Variants in RELT observed in about 807,000 individuals in gnomAD.
The protein encoded by RELT is RELT TNF receptor, also known as tumor necrosis factor receptor superfamily member 19L.
RELT carries 37 observed loss-of-function variants against 51.1 expected under a neutral mutation model. The observed-to-expected ratio is 0.72, with a 90% CI of 0.56 to 0.95. RELT has a LOEUF of 0.95. Ranked by LOEUF, RELT falls within the 40% of genes least tolerant of loss-of-function variation. The pLI is 0.00. For synonymous variants in RELT, 241 were observed against 235.7 expected (o/e 1.02, Z -0.21); for missense variants, 535 against 572.6 (o/e 0.93, Z 0.67).
Position 73,394,053 on chromosome 11 carries a change from T to C in RELT, c.706+136T>C, listed in dbSNP as rs763469667. On this transcript the variant is annotated intron_variant, in intron 7 of 10. Transcript: ENST00000064780. The surrounding 1 kb of genome is among the most constrained non-coding windows in gnomAD (Gnocchi z 4.9). ...CAGGGTGCCTCAAGCAGCCTGGTGC[T>C]CTCTGACCCAGGAGTGCACACCTCT... 3.3e-4 allele frequency: 325 copies of C among 998,822 alleles called. 1 individual carries two copies. The highest frequency in any genetic ancestry group is 6.4e-5 in the Non-Finnish European group (41 of 645,014). The allele number at this position is 998,822 out of a possible 1,614,324, so 61.9% of individuals were successfully genotyped here. A position where few individuals can be genotyped will look rare whatever the true frequency, so the allele number is the denominator to read the frequency against.
In RELT at chr11:73,376,415, G is replaced by A. The variant is rs1010126993; in HGVS notation, c.-110G>A. On this transcript the variant is annotated 5_prime_UTR_variant, in exon 1 of 11. Coordinates refer to ENST00000064780, the MANE Select transcript of RELT (RefSeq NM_152222.2). ...GATTCATTCAAAAGGCGCGCAGGCTGCGCGGCTGTCCGGGCGCTCGCCGAG... is the reference window on the plus strand; with the variant it reads ...GATTCATTCAAAAGGCGCGCAGGCTACGCGGCTGTCCGGGCGCTCGCCGAG... 31 of 151,964 alleles carry A rather than the reference G, an allele frequency of 2.0e-4. No homozygotes were observed. Among genetic ancestry groups the A allele is most frequent in the African/African-American group, 7.5e-4 (31 of 41,406 alleles). 9.4% of individuals were successfully genotyped at this position (151,964 alleles called of 1,614,324 possible).
At chr11:73,387,134 G>A (rs1285926737) in intron 1 of RELT, among the ~76,000 whole-genome samples, 8 of 152,038 alleles carry the variant, frequency 5.3e-5, no homozygotes, top group Admixed American at 3.3e-4. Flanking sequence ...TACTAGAGAC[G>A]GGGTTTCAGC....
intron 6 of RELT, 186 bp from the exon 7 acceptor site, chr11:73,393,651 G>T: frequency 6.4e-7 from 1 of 1,558,218 alleles, no homozygotes; most frequent in South Asian, 1.2e-5. Flanking sequence ...GTTGAATCAT[G>T]AAGGTGATAT....
At chr11:73,387,431 G>A (rs1185216222) in intron 1 of RELT, among the ~76,000 whole-genome samples, 1 of 152,248 alleles carries the variant, frequency 6.6e-6, no homozygotes, top group Admixed American at 6.5e-5. Context: ...GACACTTTGG[G>A]GCAGAAACTG....
intron 2 of RELT, among the ~76,000 whole-genome samples, chr11:73,390,075 C>G (rs1866185969): frequency 6.6e-6 from 1 of 152,154 alleles, no homozygotes; most frequent in Non-Finnish European, 1.5e-5. Flanking sequence ...GTCCTGGAGA[C>G]TTTCGCTGAA....
chr11:73,387,246 C>G (rs991304355), intron 1 of RELT, among the ~76,000 whole-genome samples: 1 of 152,142 alleles, frequency 6.6e-6, no homozygotes, highest in Non-Finnish European at 1.5e-5. Context: ...CCTGCCACAG[C>G]CTGCCCCCAC....
intron 1 of RELT, among the ~76,000 whole-genome samples, chr11:73,383,177 C>G (rs967187741): frequency 6.6e-6 from 1 of 152,196 alleles, no homozygotes; most frequent in African/African-American, 2.4e-5. Context: ...GACCTGGGAG[C>G]TCATGGCTGC....
rs755587108 is a variant in RELT at position 73,390,939 on chromosome 11, C to G, written c.287+18C>G. On this transcript the variant is annotated intron_variant, in intron 4 of 10. Transcript: ENST00000064780. ...TGGCCTGGGTAAGCCAAAGGGAGTG[C>G]GGGGAGGGCTCCTGGCTGGGTGACC... 6.2e-7 allele frequency: 1 copy of G among 1,607,118 alleles called. No homozygotes were observed. Among genetic ancestry groups the G allele is most frequent in the Non-Finnish European group, 8.5e-7 (1 of 1,178,202 alleles).
chr11:73,392,682 T>C (rs1363159052), intron 6 of RELT: 1 of 1,428,770 alleles, frequency 7.0e-7, no homozygotes, highest in African/African-American at 1.4e-5. Context: ...GCTGGTCAAG[T>C]GGCTTCAGTG....
chr11:73,395,463 G>A lies in RELT; in HGVS notation c.1265G>A (p.Arg422Gln), dbSNP rs762816338. The change falls in exon 11 of 11, where the codon CGG becomes CAG. Residue 422 changes from arginine to glutamine, a missense_variant. Transcript: ENST00000064780. Reference sequence around the variant, plus strand: ...CACCAGGAGAACCGCTATGTGGTCCGGCTAAGTGAGAGCAACCTGGTCATC... The same window carrying A: ...CACCAGGAGAACCGCTATGTGGTCCAGCTAAGTGAGAGCAACCTGGTCATC... ...NKAEENRYVV[R>Q]LSESNLVI 34 of 819,764 alleles carry A rather than the reference G, an allele frequency of 4.1e-5. No individual in the cohort carries two copies. Among genetic ancestry groups the A allele is most frequent in the Non-Finnish European group, 6.6e-5 (30 of 453,806 alleles). 50.8% of individuals were successfully genotyped at this position (819,764 alleles called of 1,614,324 possible).
In RELT at chr11:73,390,514, C is replaced by T. The variant is rs1317044315; in HGVS notation, c.46-37C>T. On this transcript the variant is annotated intron_variant, in intron 2 of 10. Coordinates refer to ENST00000064780, the MANE Select transcript of RELT (RefSeq NM_152222.2). Reference sequence around the variant, plus strand: ...ATGACCCCAGAGACCCCACACCCAGCACTTTCTGCCTCTTTCAATGCCTAC... The same window carrying T: ...ATGACCCCAGAGACCCCACACCCAGTACTTTCTGCCTCTTTCAATGCCTAC... 3.8e-6 allele frequency: 6 copies of T among 1,590,964 alleles called. No individual in the cohort carries two copies. The Admixed American group carries it at 1.0e-4, about 27-fold the overall frequency.
chr11:73,395,943 G>A lies in RELT; in HGVS notation c.*452G>A, dbSNP rs1360063157. 1.7e-5 allele frequency: 3 copies of A among 179,536 alleles called. No individual in the cohort carries two copies. The highest frequency in any genetic ancestry group is 4.7e-5 in the African/African-American group (2 of 42,262). 11.1% of individuals were successfully genotyped at this position (179,536 alleles called of 1,614,324 possible). A position where few individuals can be genotyped will look rare whatever the true frequency, so the allele number is the denominator to read the frequency against. ...CCTCCTCTTCCAGCAGGTCTATAAA[G>A]GGAAGGGGTAGCAGAAAGTCCTGGG... is the stretch of plus-strand genomic sequence containing the variant. On this transcript the variant is annotated 3_prime_UTR_variant, in exon 11 of 11. Coordinates refer to ENST00000064780, the MANE Select transcript of RELT (RefSeq NM_152222.2).
rs758228776 is a variant in RELT at position 73,394,704 on chromosome 11, A to C, written c.1016A>C (p.Gln339Pro). The C allele has an allele frequency of 5.6e-6, 9 of 1,611,936 alleles. No homozygotes were observed. The South Asian group carries it at 8.8e-5, about 16-fold the overall frequency. The stretch of plus-strand genomic sequence containing the variant: ...AAGGCCGGGGCCAAGGCAGGGCGTC[A>C]GGGCGAGATCACCATCTTGTCTGTG... ...VPKAGAKAGR[Q>P]GEITILSVGR... Residue 339 changes from glutamine to proline, a missense_variant, in exon 9 of 11, where the codon CAG (glutamine) becomes CCG (proline). Physicochemically the swap from Gln to Pro is moderately conservative, Grantham distance 76 (BLOSUM62 -1). Transcript: ENST00000064780. The surrounding 1 kb of genome is among the most constrained non-coding windows in gnomAD (Gnocchi z 4.9).
At position 73,395,141 on chromosome 11, in the gene RELT, G is replaced by A. The variant is rs34304845; in HGVS notation, c.1101G>A (p.Val367=). 30,309 of 1,613,642 alleles carry A rather than the reference G, an allele frequency of 0.019. 2,169 individuals are homozygous for A. In the African/African-American group the frequency reaches 0.23, roughly 12 times the overall value. ...GGACAAGTTCAATGGTGTCTGAGGT[G>A]AAGACCATCACGGAGGCTGGGCCCT... ...EQRTSSMVSE[V]KTITEAGPSW... is the part of the protein sequence containing the mutation. The change falls in exon 10 of 11, where the codon GTG becomes GTA. Residue 367 remains valine (V), a synonymous_variant. Coordinates refer to ENST00000064780, the MANE Select transcript of RELT (RefSeq NM_152222.2).
Position 73,390,586 on chromosome 11 carries a change from A to G in RELT, c.81A>G (p.Thr27=). Residue 27 remains threonine, a synonymous_variant, in exon 3 of 11, where the codon ACA becomes ACG. Transcript: ENST00000064780. ...LPWPLATLTS[T]TLWQCPPGEE... ...GGCCTCTCGCCACCCTGACATCAAC[A>G]ACCCTTTGGCAGTGCCCACCTGGGG... The G allele has an allele frequency of 1.2e-6, 2 of 1,613,924 alleles. No individual in the cohort carries two copies. Among genetic ancestry groups the G allele is most frequent in the Non-Finnish European group, 1.7e-6 (2 of 1,179,962 alleles).
rs1440647414 is a variant in RELT at position 73,395,113 on chromosome 11, A to G, written c.1073A>G (p.Gln358Arg). Residue 358 changes from glutamine (Q) to arginine (R), a missense_variant, in exon 10 of 11, where the codon CAG (glutamine) becomes CGG (arginine). Coordinates refer to ENST00000064780, the MANE Select transcript of RELT (RefSeq NM_152222.2). ...GRFRVARIPE[Q>R]RTSSMVSEVK... ...TTCCGCGTGGCTCGAATTCCTGAGC[A>G]GCGGACAAGTTCAATGGTGTCTGAG... The G allele has an allele frequency of 1.2e-6, 2 of 1,613,624 alleles. No individual in the cohort carries two copies. The highest frequency in any genetic ancestry group is 1.7e-5 in the Admixed American group (1 of 60,012).
At position 73,381,059 on chromosome 11, in the gene RELT, C is replaced by T. The variant is rs548382907; in HGVS notation, c.-26+4560C>T. The stretch of plus-strand genomic sequence containing the variant: ...TGGGGGTCATCATTCCCTCCAAGCA[C>T]AGGCAGGGAAACCAAGGCCTAGAGA... On this transcript the variant is annotated intron_variant, in intron 1 of 10. Coordinates refer to ENST00000064780, the MANE Select transcript of RELT (RefSeq NM_152222.2). Among the ~76,000 whole-genome samples the T allele has an allele frequency of 5.3e-5, 8 of 152,306 alleles. No homozygotes were observed. In the East Asian group the frequency reaches 1.3e-3, roughly 26 times the overall value.
At chr11:73,382,721 C>T (rs1240833794) in intron 1 of RELT, among the ~76,000 whole-genome samples, 2 of 152,222 alleles carry the variant, frequency 1.3e-5, no homozygotes, top group Non-Finnish European at 1.5e-5. Context: ...GCATGGAACA[C>T]TGTCTTTGAG....
Position 73,376,433 on chromosome 11 carries a change from T to TCGCCGAGCCGGGCCGCGG in RELT, c.-84_-67dup, listed in dbSNP as rs1456353549. 2 of 151,704 alleles carry TCGCCGAGCCGGGCCGCGG rather than the reference T, an allele frequency of 1.3e-5. No homozygotes were observed. The highest frequency in any genetic ancestry group is 6.6e-5 in the Admixed American group (1 of 15,262). The allele number at this position is 151,704 out of a possible 1,614,324, so 9.4% of individuals were successfully genotyped here. ...GCAGGCTGCGCGGCTGTCCGGGCGC[T>TCGCCGAGCCGGGCCGCGG]CGCCGAGCCGGGCCGCGGCGCCGAG... is the stretch of plus-strand genomic sequence containing the variant. On this transcript the variant is annotated 5_prime_UTR_variant, in exon 1 of 11. Coordinates refer to ENST00000064780, the MANE Select transcript of RELT (RefSeq NM_152222.2).
Sources: gnomAD v4.1 joint callset for allele counts (sites outside exome capture counted in the v4.1 genomes callset) on GRCh38, gnomAD v4.1.1 for gene constraint, Gnocchi (gnomAD v3.1) non-coding constraint, MANE v1.5 for transcripts, NCBI Gene and HGNC (gene_info 2026-07-23, HGNC 2026-07-21) for gene names.